Variants in HSD11B1 observed in about 807,000 individuals in gnomAD.
HSD11B1 encodes hydroxysteroid 11-beta dehydrogenase 1.
HSD11B1 carries 15 observed loss-of-function variants against 22.1 expected under a neutral mutation model. The observed-to-expected ratio is 0.68, with a 90% CI of 0.45 to 1.04. HSD11B1 has a LOEUF of 1.04. Ranked by LOEUF, HSD11B1 falls within the 50% of genes least tolerant of loss-of-function variation. The pLI is 0.00. For synonymous variants in HSD11B1, 122 were observed against 125.2 expected (o/e 0.97, Z 0.17); for missense variants, 281 against 357.6 (o/e 0.79, Z 1.73).
intron 1 of HSD11B1, among the ~76,000 whole-genome samples, chr1:209,692,024 T>A (rs1483309409): frequency 6.6e-6 from 1 of 151,972 alleles, no homozygotes; most frequent in African/African-American, 2.4e-5. Context: ...CTAGGTGACT[T>A]TTTAAGCCCT....
intron 1 of HSD11B1, among the ~76,000 whole-genome samples, chr1:209,692,607 C>CGGGGCGG (rs1553286691): frequency 2.1e-5 from 1 of 48,226 alleles, no homozygotes; most frequent in Non-Finnish European, 3.9e-5. Context: ...ATTAAAATGG[C>CGGGGCGG]GGGGGGGGGG....
chr1:209,732,880 ATGAAC>A (rs1415881139), intron 5 of HSD11B1, among the ~76,000 whole-genome samples: 1 of 152,070 alleles, frequency 6.6e-6, no homozygotes, highest in East Asian at 1.9e-4. Context: ...TGACCTGCAG[ATGAAC>A]TGTCTGCCTT....
chr1:209,723,606 T>C (rs1395381799), intron 4 of HSD11B1, among the ~76,000 whole-genome samples: 1 of 152,222 alleles, frequency 6.6e-6, no homozygotes, highest in African/African-American at 2.4e-5. Flanking sequence ...AGGTAAGATG[T>C]CTAGTCATGT....
intron 1 of HSD11B1, among the ~76,000 whole-genome samples, chr1:209,687,032 G>A (rs774499094): frequency 1.3e-5 from 2 of 152,114 alleles, no homozygotes; most frequent in Admixed American, 6.5e-5. Flanking sequence ...GACAGGAAAG[G>A]GAAATACCAT....
intron 4 of HSD11B1, among the ~76,000 whole-genome samples, chr1:209,709,274 T>C (rs539204772): frequency 3.4e-4 from 52 of 152,336 alleles, no homozygotes; most frequent in African/African-American, 1.2e-3. Context: ...AATACTATAC[T>C]TCTAATATGT....
At chr1:209,699,094 G>A (rs2076810796) in intron 1 of HSD11B1, among the ~76,000 whole-genome samples, 1 of 152,182 alleles carries the variant, frequency 6.6e-6, no homozygotes, top group Non-Finnish European at 1.5e-5. Context: ...ACACACACAT[G>A]AGGGAGGAGA....
chr1:209,688,175 T>C (rs1047141348), intron 1 of HSD11B1, among the ~76,000 whole-genome samples: 3 of 152,136 alleles, frequency 2.0e-5, no homozygotes, highest in Non-Finnish European at 4.4e-5. Context: ...CCATTCAGGC[T>C]ACCTGAGTTG....
At chr1:209,732,214 C>T (rs1488862969) in intron 4 of HSD11B1, among the ~76,000 whole-genome samples, 2 of 152,126 alleles carry the variant, frequency 1.3e-5, no homozygotes, top group Admixed American at 6.6e-5. Context: ...TTAAACAGTC[C>T]CTCTTCAATG....
upstream of HSD11B1, among the ~76,000 whole-genome samples, chr1:209,704,060 C>CTAA (rs1177271379): frequency 6.6e-6 from 1 of 152,112 alleles, no homozygotes; most frequent in Non-Finnish European, 1.5e-5. Context: ...TTTCACTTGC[C>CTAA]TAATGCTAGT....
rs897932368 is a variant in HSD11B1 at position 209,706,467 on chromosome 1, A to C, written c.220-242A>C. On this transcript the variant is annotated intron_variant, in intron 2 of 5. Transcript: ENST00000367027. This position sits in a 1 kb window ranked among gnomAD's most constrained non-coding sequence, Gnocchi z 4.0. ...ACAGAAGCCATGAGCATAAATCATG[A>C]ACTTAAACCCCAGCACTGGGATGAT... 6.6e-6 allele frequency among the ~76,000 whole-genome samples: 1 copy of C among 152,190 alleles called. No individual in the cohort carries two copies. Among genetic ancestry groups the C allele is most frequent in the Non-Finnish European group, 1.5e-5 (1 of 68,030 alleles).
At chr1:209,691,667 G>T (rs2102353114) in intron 1 of HSD11B1, among the ~76,000 whole-genome samples, 1 of 152,182 alleles carries the variant, frequency 6.6e-6, no homozygotes, top group African/African-American at 2.4e-5. Flanking sequence ...GAAAAGAAAT[G>T]CATCATAGTA....
chr1:209,704,865 C>CT lies in HSD11B1; in HGVS notation c.-77dup, dbSNP rs2076846702. Reference sequence around the variant, plus strand: ...GATGTCACAATTCAGAGGCTGCTGCCTGCTTAGGAGGTTGTAGAAAGCTCT... The same window carrying CT: ...GATGTCACAATTCAGAGGCTGCTGCCTTGCTTAGGAGGTTGTAGAAAGCTCT... On this transcript the variant is annotated 5_prime_UTR_variant, in exon 1 of 6. Coordinates refer to ENST00000367027, the MANE Select transcript of HSD11B1 (RefSeq NM_005525.4). 9.1e-7 allele frequency: 1 copy of CT among 1,096,732 alleles called. No individual in the cohort carries two copies. Among genetic ancestry groups the CT allele is most frequent in the Non-Finnish European group, 1.4e-6 (1 of 712,104 alleles). 67.9% of individuals were successfully genotyped at this position (1,096,732 alleles called of 1,614,324 possible).
At chr1:209,732,329 A>T in intron 4 of HSD11B1, 107 bp from the exon 5 acceptor site, 2 of 1,183,440 alleles carry the variant, frequency 1.7e-6, no homozygotes, top group African/African-American at 3.0e-5. Context: ...AGAAACTAAG[A>T]CTCAAAGGGG....
chr1:209,699,544 T>A (rs1264051308), intron 1 of HSD11B1, among the ~76,000 whole-genome samples: 4 of 152,138 alleles, frequency 2.6e-5, no homozygotes, highest in African/African-American at 9.7e-5. Flanking sequence ...GTGGGAATTC[T>A]GGGAGACACA....
chr1:209,714,024 C>CATTCAT (rs372339343), intron 4 of HSD11B1, among the ~76,000 whole-genome samples: 29,708 of 151,922 alleles, frequency 0.2, 2,938 homozygotes, highest in East Asian at 0.22. Context: ...CCCAAATATA[C>CATTCAT]TCATTCATTC....
upstream of HSD11B1, among the ~76,000 whole-genome samples, chr1:209,699,996 G>A (rs1422659416): frequency 6.6e-6 from 1 of 152,232 alleles, no homozygotes; most frequent in African/African-American, 2.4e-5. Flanking sequence ...TGCCCCTGTG[G>A]CTTTGCAGGG....
chr1:209,734,504 A>G lies in HSD11B1; in HGVS notation c.862A>G (p.Arg288Gly). 6.2e-7 allele frequency: 1 copy of G among 1,613,530 alleles called. No homozygotes were observed. The highest frequency in any genetic ancestry group is 8.5e-7 in the Non-Finnish European group (1 of 1,179,568). The stretch of plus-strand genomic sequence containing the variant: ...CTACTCAACGAGCTATAATATGGAC[A>G]GATTCATAAACAAGTAGGAACTCCC... ...FLYSTSYNMD[R>G]FINK The change falls in exon 6 of 6, where the codon AGA (arginine) becomes GGA (glycine). Residue 288 changes from arginine (R) to glycine (G), a missense_variant. Coordinates refer to ENST00000367027, the MANE Select transcript of HSD11B1 (RefSeq NM_005525.4).
intron 4 of HSD11B1, among the ~76,000 whole-genome samples, chr1:209,727,461 A>G (rs2077010193): frequency 6.6e-6 from 1 of 152,236 alleles, no homozygotes; most frequent in Non-Finnish European, 1.5e-5. Flanking sequence ...TCAGCTTAGA[A>G]GTGAAAATAA....
chr1:209,720,078 C>T (rs2076956139), intron 4 of HSD11B1, among the ~76,000 whole-genome samples: 1 of 151,968 alleles, frequency 6.6e-6, no homozygotes. Flanking sequence ...GCACACGTAC[C>T]CCAGAACTTA....
Sources: gnomAD v4.1 joint callset for allele counts (sites outside exome capture counted in the v4.1 genomes callset) on GRCh38, gnomAD v4.1.1 for gene constraint, Gnocchi (gnomAD v3.1) non-coding constraint, MANE v1.5 for transcripts, NCBI Gene and HGNC (gene_info 2026-07-23, HGNC 2026-07-21) for gene names.